Variants in DMD observed in about 807,000 individuals in gnomAD.
DMD encodes the protein dystrophin.
Under a neutral mutation model 330.1 loss-of-function variants are expected in DMD, and 63 were observed. That is an observed-to-expected ratio of 0.19 (90% CI 0.16 to 0.24). The LOEUF is 0.24. Among genes scored for constraint, DMD ranks in the 10% least tolerant of loss-of-function variants. DMD has a pLI of 1.00. For synonymous variants in DMD, 1,223 were observed against 959.8 expected (o/e 1.27, Z -5.07); for missense variants, 3,344 against 2,684.1 (o/e 1.25, Z -5.43).
chrX:32,479,040 TA>T (rs2041539735), intron 21 of DMD, among the ~76,000 whole-genome samples: 1 of 111,640 alleles, frequency 9.0e-6, no homozygotes, highest in Admixed American at 9.6e-5. Flanking sequence ...ACTACAGAAA[TA>T]TTTATTAGAA....
At chrX:32,773,266 A>C (rs2073813676) in intron 7 of DMD, among the ~76,000 whole-genome samples, 1 of 111,420 alleles carries the variant, frequency 9.0e-6, no homozygotes, top group African/African-American at 3.3e-5. Context: ...ATTTTCGTTA[A>C]TTATTTTAGT....
chrX:31,587,758 C>T (rs2076682151), intron 55 of DMD, among the ~76,000 whole-genome samples: 1 of 111,251 alleles, frequency 9.0e-6, no homozygotes, highest in South Asian at 3.8e-4. Flanking sequence ...GACCTCTCTC[C>T]CCCCGTACTC....
At chrX:32,387,332 A>C (rs137880281) in intron 32 of DMD, among the ~76,000 whole-genome samples, 2,531 of 111,011 alleles carry the variant, frequency 0.023, 76 homozygotes, top group African/African-American at 0.078. Flanking sequence ...GTATGTGGCC[A>C]TGTATTCAAA....
intron 1 of DMD, among the ~76,000 whole-genome samples, chrX:33,067,035 A>G (rs2094673922): frequency 8.9e-6 from 1 of 112,252 alleles, no homozygotes; most frequent in Admixed American, 9.4e-5. Context: ...GACCTTTGTC[A>G]TCCTTCAATC....
chrX:33,091,737 T>C (rs1389815537), intron 1 of DMD, among the ~76,000 whole-genome samples: 2 of 111,496 alleles, frequency 1.8e-5, no homozygotes, highest in African/African-American at 3.3e-5. Context: ...TTTACAGAAT[T>C]GGAGGTAATT....
chrX:31,869,464 T>C (rs774201217), intron 48 of DMD, among the ~76,000 whole-genome samples: 51 of 105,900 alleles, frequency 4.8e-4, no homozygotes, highest in Non-Finnish European at 9.7e-5. Flanking sequence ...GTCTTACACA[T>C]TTTGTCCGTC....
chrX:32,196,018 G>T (rs2096998173), intron 44 of DMD, among the ~76,000 whole-genome samples: 1 of 111,886 alleles, frequency 8.9e-6, no homozygotes, highest in Non-Finnish European at 1.9e-5. Context: ...TGGTTAGGGG[G>T]TTTATTCTGA....
chrX:32,848,147 G>T (rs937436463), intron 3 of DMD, among the ~76,000 whole-genome samples: 1 of 112,085 alleles, frequency 8.9e-6, no homozygotes, highest in African/African-American at 3.2e-5. Flanking sequence ...ATACCTGGAA[G>T]TGAAGAGACA....
In DMD at chrX:31,846,651, C is replaced by A. The variant is rs774140712; in HGVS notation, c.7099-9832G>T. ...TTACAAGTACAATCCAGTGAAAATT[C>A]TGTACCTTTAGAAAATGAACAGAAA... On this transcript the variant is annotated intron_variant, in intron 48 of 78. Transcript: ENST00000357033. Among the ~76,000 whole-genome samples the A allele has an allele frequency of 2.7e-5, 3 of 111,908 alleles. No individual in the cohort carries two copies. The South Asian group carries it at 1.1e-3, about 41-fold the overall frequency.
At chrX:32,564,242 G>A (rs1381839178) in intron 16 of DMD, among the ~76,000 whole-genome samples, 3 of 111,991 alleles carry the variant, frequency 2.7e-5, no homozygotes. Context: ...ACTAGAAGAT[G>A]ACCTACAGTT....
At chrX:32,859,508 CACAAGTT>C (rs1373520248) in intron 2 of DMD, among the ~76,000 whole-genome samples, 2 of 89,564 alleles carry the variant, frequency 2.2e-5, no homozygotes, top group Non-Finnish European at 4.4e-5. Flanking sequence ...CACACACACA[CACAAGTT>C]AAAGTCTTTT....
intron 25 of DMD, among the ~76,000 whole-genome samples, chrX:32,460,020 ACAT>A (rs2098377528): frequency 9.0e-6 from 1 of 111,241 alleles, no homozygotes; most frequent in South Asian, 3.7e-4. Context: ...ATGATATAAA[ACAT>A]CATATCATAT....
chrX:31,274,906 G>GT (rs1166883789), intron 62 of DMD, among the ~76,000 whole-genome samples: 4 of 109,319 alleles, frequency 3.7e-5, no homozygotes, highest in African/African-American at 6.6e-5. Flanking sequence ...TTGTAATCCA[G>GT]TTTTTTTTTA....
intron 41 of DMD, among the ~76,000 whole-genome samples, chrX:32,326,366 T>A (rs1415259967): frequency 8.9e-6 from 1 of 112,345 alleles, no homozygotes; most frequent in Non-Finnish European, 1.9e-5. Flanking sequence ...TCAGCAGGCA[T>A]TTTTTTCAAA....
intron 42 of DMD, among the ~76,000 whole-genome samples, chrX:32,306,783 G>A (rs1362462287): frequency 9.0e-6 from 1 of 110,764 alleles, no homozygotes; most frequent in East Asian, 2.9e-4. Context: ...AATATTGAAG[G>A]GATGTGGGCA....
intron 44 of DMD, among the ~76,000 whole-genome samples, chrX:32,125,393 A>T (rs761492035): frequency 1.8e-5 from 2 of 111,884 alleles, no homozygotes; most frequent in African/African-American, 6.5e-5. Flanking sequence ...GGATAGTGTC[A>T]TTCACTGGGA....
chrX:33,171,827 A>C (rs773358716), intron 1 of DMD, among the ~76,000 whole-genome samples: 1 of 111,332 alleles, frequency 9.0e-6, no homozygotes, highest in Non-Finnish European at 1.9e-5. Flanking sequence ...TTTATGTAAC[A>C]GTGCCTTATT....
At chrX:32,085,854 A>C (rs996122444) in intron 44 of DMD, among the ~76,000 whole-genome samples, 21 of 110,576 alleles carry the variant, frequency 1.9e-4, no homozygotes, top group African/African-American at 6.9e-4. Context: ...ATATTTAGCA[A>C]TCTCAGTTCT....
chrX:32,447,587 T>C (rs1346324430), intron 27 of DMD, among the ~76,000 whole-genome samples: 1 of 111,351 alleles, frequency 9.0e-6, no homozygotes, highest in East Asian at 2.8e-4. Context: ...TATCAAACCC[T>C]CAACATAGGA....
Sources: allele counts gnomAD v4.1 joint callset (sites outside exome capture counted in the v4.1 genomes callset), GRCh38; gene constraint gnomAD v4.1.1; transcripts MANE v1.5; gene names NCBI Gene and HGNC (gene_info 2026-07-23, HGNC 2026-07-21).